STAU2: variants seen among roughly 807,000 people sequenced by gnomAD.
The protein encoded by STAU2 is double-stranded RNA-binding protein Staufen homolog 2.
Under a neutral mutation model 65.9 loss-of-function variants are expected in STAU2, and 20 were observed. The ratio of observed to expected loss-of-function variants is 0.30; its 90% CI spans 0.21 to 0.44. STAU2 has a LOEUF of 0.44. STAU2 is among the 20% of genes least tolerant of loss of function. STAU2 has a pLI of 1.00. For missense variants in STAU2, 558 were observed against 683.9 expected, an observed-to-expected ratio of 0.82 and a Z score of 2.05; for synonymous variants, 232 against 233.9, an observed-to-expected ratio of 0.99 and a Z score of 0.07.
intron 6 of STAU2, among the ~76,000 whole-genome samples, chr8:73,662,214 T>C (rs1229754208): frequency 2.0e-5 from 3 of 152,224 alleles, no homozygotes; most frequent in Non-Finnish European, 4.4e-5. Context: ...TTCAAAAATA[T>C]TGTCCATTTT....
intron 13 of STAU2, chr8:73,527,549 A>G (rs1805526066): frequency 4.2e-6 from 2 of 473,252 alleles, no homozygotes; most frequent in Non-Finnish European, 7.3e-6. Context: ...AACAATTTTG[A>G]TTTTTCAAGT....
intron 12 of STAU2, among the ~76,000 whole-genome samples, chr8:73,566,593 A>G (rs1808629196): frequency 6.6e-6 from 1 of 152,204 alleles, no homozygotes; most frequent in African/African-American, 2.4e-5. Flanking sequence ...AGCAAATGAT[A>G]TATCTAGAAA....
intron 13 of STAU2, among the ~76,000 whole-genome samples, chr8:73,514,300 T>G (rs1159307462): frequency 6.6e-6 from 1 of 152,198 alleles, no homozygotes; most frequent in South Asian, 2.1e-4. Context: ...GCCTTCCTCC[T>G]CATCACAGTC....
intron 6 of STAU2, among the ~76,000 whole-genome samples, chr8:73,655,270 C>T (rs1816266078): frequency 6.6e-6 from 1 of 152,176 alleles, no homozygotes; most frequent in African/African-American, 2.4e-5. Context: ...TAAATATTTA[C>T]ATTTTAAAAT....
intron 13 of STAU2, among the ~76,000 whole-genome samples, chr8:73,549,426 C>T (rs1311521588): frequency 6.6e-6 from 1 of 152,098 alleles, no homozygotes; most frequent in Non-Finnish European, 1.5e-5. Context: ...TCACATTCTG[C>T]TCTCTTAAGT....
intron 13 of STAU2, among the ~76,000 whole-genome samples, chr8:73,462,152 T>A (rs1032811346): frequency 2.0e-5 from 3 of 152,176 alleles, no homozygotes; most frequent in African/African-American, 7.2e-5. Flanking sequence ...TGATCTTGGA[T>A]CATTGCAACC....
At chr8:73,522,227 C>T (rs1325093395) in intron 13 of STAU2, among the ~76,000 whole-genome samples, 1 of 152,040 alleles carries the variant, frequency 6.6e-6, no homozygotes, top group African/African-American at 2.4e-5. Flanking sequence ...TAGAAGGTGA[C>T]TAATGTAATT....
intron 12 of STAU2, 76 bp from the exon 13 acceptor site, chr8:73,552,395 G>T (rs989523743): frequency 1.9e-5 from 25 of 1,294,314 alleles, no homozygotes; most frequent in Admixed American, 1.3e-4. Flanking sequence ...TAACTCAATG[G>T]CTTTACTTGG....
chr8:73,688,963 T>C, intron 4 of STAU2, 150 bp from the exon 5 acceptor site: 1 of 909,920 alleles, frequency 1.1e-6, no homozygotes, highest in East Asian at 2.6e-5. Flanking sequence ...AATCTTACTC[T>C]ACCTAGTGAA....
At chr8:73,644,624 GA>G (rs1490255256) in intron 6 of STAU2, among the ~76,000 whole-genome samples, 2 of 151,864 alleles carry the variant, frequency 1.3e-5, no homozygotes, top group African/African-American at 2.4e-5. Context: ...ACTGGAAACA[GA>G]AAAAAACTAT....
intron 5 of STAU2, among the ~76,000 whole-genome samples, chr8:73,673,770 A>G (rs1817849563): frequency 6.6e-6 from 1 of 152,114 alleles, no homozygotes; most frequent in Non-Finnish European, 1.5e-5. Context: ...TGAAACTAAA[A>G]TGTCATCGAA....
intron 11 of STAU2, among the ~76,000 whole-genome samples, 189 bp from the exon 12 acceptor site, chr8:73,583,019 G>A (rs1810105035): frequency 6.6e-6 from 1 of 152,046 alleles, no homozygotes; most frequent in Non-Finnish European, 1.5e-5. Context: ...TTCCTTTTCT[G>A]CACCTAAATC....
At chr8:73,434,940 C>G (rs921036079) in intron 13 of STAU2, among the ~76,000 whole-genome samples, 2 of 151,942 alleles carry the variant, frequency 1.3e-5, no homozygotes, top group African/African-American at 4.9e-5. Flanking sequence ...TTCAAGGCCC[C>G]CATTGGCTGG....
At chr8:73,454,705 T>C (rs568157216) in intron 13 of STAU2, among the ~76,000 whole-genome samples, 2 of 152,340 alleles carry the variant, frequency 1.3e-5, no homozygotes, top group South Asian at 4.1e-4. Flanking sequence ...ATTTTCTTAT[T>C]TTTAAAGAGA....
chr8:73,740,693 C>T (rs550403393), intron 1 of STAU2, among the ~76,000 whole-genome samples: 17 of 152,022 alleles, frequency 1.1e-4, no homozygotes, highest in Admixed American at 1.1e-3. Context: ...ACTTAGTGTC[C>T]CTTGCTTTCT....
chr8:73,568,642 T>C (rs888824060), intron 12 of STAU2, among the ~76,000 whole-genome samples: 6 of 151,654 alleles, frequency 4.0e-5, no homozygotes, highest in Non-Finnish European at 8.8e-5. Context: ...AACTGGCACA[T>C]AGATAGTTAG....
At chr8:73,582,582 G>A (rs932082433) in intron 12 of STAU2, among the ~76,000 whole-genome samples, 188 bp downstream of exon 12, 4 of 152,068 alleles carry the variant, frequency 2.6e-5, no homozygotes, top group Admixed American at 1.3e-4. Flanking sequence ...TGTGTTAAGT[G>A]TATCTGTGTC....
intron 6 of STAU2, among the ~76,000 whole-genome samples, chr8:73,663,967 G>T (rs1817040413): frequency 6.6e-6 from 1 of 152,168 alleles, no homozygotes; most frequent in Non-Finnish European, 1.5e-5. Context: ...TGGTGTCTAT[G>T]AAGATAGTTT....
intron 6 of STAU2, among the ~76,000 whole-genome samples, chr8:73,640,230 A>G (rs1199975734): frequency 6.6e-6 from 1 of 152,040 alleles, no homozygotes; most frequent in African/African-American, 2.4e-5. Context: ...CAATAGGAAA[A>G]AAGAAAAAAA....
Sources: gnomAD v4.1 joint callset for allele counts (sites outside exome capture counted in the v4.1 genomes callset) on GRCh38, gnomAD v4.1.1 for gene constraint, MANE v1.5 for transcripts, NCBI Gene and HGNC (gene_info 2026-07-23, HGNC 2026-07-21) for gene names.